RUSF1: variants seen among roughly 807,000 people sequenced by gnomAD.
The protein encoded by RUSF1 is RUS family member 1.
RUSF1 carries 58 observed loss-of-function variants against 63.0 expected under a neutral mutation model. That is an observed-to-expected ratio of 0.92 (90% CI 0.75 to 1.15). The LOEUF (loss-of-function observed/expected upper bound fraction) is 1.15. Ranked by LOEUF, RUSF1 falls within the 50% of genes most tolerant of loss-of-function variation. The pLI is 0.00. For synonymous variants in RUSF1, 274 were observed against 255.8 expected, an observed-to-expected ratio of 1.07 and a Z score of -0.68; for missense variants, 652 against 611.0, an observed-to-expected ratio of 1.07 and a Z score of -0.71.
At position 31,489,675 on chromosome 16, in the gene RUSF1, G is replaced by A; in HGVS notation, c.*1160C>T. 1 of 478,858 alleles carries A rather than the reference G, an allele frequency of 2.1e-6. No individual in the cohort carries two copies. Among genetic ancestry groups the A allele is most frequent in the South Asian group, 2.1e-5 (1 of 47,416 alleles). The allele number at this position is 478,858 out of a possible 1,614,324, so 29.7% of individuals were successfully genotyped here. A position where few individuals can be genotyped will look rare whatever the true frequency, so the allele number is the denominator to read the frequency against. On this transcript the variant is annotated 3_prime_UTR_variant, in exon 13 of 13. Coordinates refer to ENST00000327237, the MANE Select transcript of RUSF1 (RefSeq NM_022744.4). ...GTTTGGTTTTGTTGCCAAAGGGCAG[G>A]TGGCTCCAGGCAGGGCTGATGGTGG...
Position 31,489,877 on chromosome 16 carries a change from G to C in RUSF1, c.*958C>G. ...GACAGACCTGAGCTGACAAAGCTGG[G>C]GGAGCAAGGCCAACGGCTTTAAACA... is the stretch of plus-strand genomic sequence containing the variant. On this transcript the variant is annotated 3_prime_UTR_variant, in exon 13 of 13. Coordinates refer to ENST00000327237, the MANE Select transcript of RUSF1 (RefSeq NM_022744.4). 1 of 575,888 alleles carries C rather than the reference G, an allele frequency of 1.7e-6. No homozygotes were observed. The highest frequency in any genetic ancestry group is 3.3e-5 in the East Asian group (1 of 30,644). 35.7% of individuals were successfully genotyped at this position (575,888 alleles called of 1,614,324 possible). A position where few individuals can be genotyped will look rare whatever the true frequency, so the allele number is the denominator to read the frequency against.
At chr16:31,502,435 T>C (rs754118931) in intron 2 of RUSF1, among the ~76,000 whole-genome samples, 5 of 152,318 alleles carry the variant, frequency 3.3e-5, no homozygotes, top group South Asian at 2.1e-4. Context: ...ACAATGATCC[T>C]GAGACTTTGG....
intron 2 of RUSF1, among the ~76,000 whole-genome samples, chr16:31,502,097 G>C (rs1466412502): frequency 1.3e-5 from 2 of 152,184 alleles, no homozygotes; most frequent in African/African-American, 2.4e-5. Flanking sequence ...TTTAGAACGA[G>C]ACACCTGGGA....
In RUSF1 at chr16:31,508,157, G is replaced by A. The variant is rs1420202207; in HGVS notation, c.217C>T (p.Leu73Phe). 2 of 1,586,582 alleles carry A rather than the reference G, an allele frequency of 1.3e-6. No homozygotes were observed. Among genetic ancestry groups the A allele is most frequent in the Non-Finnish European group, 1.7e-6 (2 of 1,167,452 alleles). Residue 73 changes from leucine (L) to phenylalanine (F), a missense_variant, in exon 1 of 13, where the codon CTC becomes TTC. Physicochemically the swap from Leu to Phe is conservative, Grantham distance 22. Transcript: ENST00000327237. The stretch of plus-strand genomic sequence containing the variant: ...CCCTGAGGCAGGAACACGGCCTGGA[G>A]CCCGGAGAGGGGCGGTGAGGGGGCC... ...SGAPSPPLSG[L>F]QAVFLPQGFP...
intron 3 of RUSF1, 83 bp downstream of exon 3, chr16:31,500,603 C>T: frequency 2.0e-6 from 3 of 1,493,458 alleles, no homozygotes; most frequent in East Asian, 2.3e-5. Context: ...CTTACAGCCA[C>T]AATTAATGGC....
intron 5 of RUSF1, among the ~76,000 whole-genome samples, chr16:31,497,555 TG>T (rs1475031203): frequency 4.6e-5 from 7 of 151,180 alleles, no homozygotes; most frequent in African/African-American, 1.7e-4. Flanking sequence ...CAGGCGGGCC[TG>T]GAACTCCTGG....
chr16:31,501,102 C>A (rs2082630969), intron 2 of RUSF1, among the ~76,000 whole-genome samples: 1 of 152,062 alleles, frequency 6.6e-6, no homozygotes, highest in African/African-American at 2.4e-5. Flanking sequence ...TCATGAAGAC[C>A]ACATACAGCA....
chr16:31,492,395 T>G, intron 10 of RUSF1, 55 bp from the exon 11 acceptor site: 1 of 1,488,058 alleles, frequency 6.7e-7, no homozygotes, highest in Non-Finnish European at 8.9e-7. Flanking sequence ...CCCAAACCCC[T>G]TCTATCCCAT....
chr16:31,500,693 A>ACC lies in RUSF1; in HGVS notation c.452_453dup (p.Trp152GlyfsTer24), dbSNP rs780561427. On this transcript the variant is annotated frameshift_variant, in exon 3 of 13. Transcript: ENST00000327237. LOFTEE classifies it high-confidence loss of function. ...CCGGGAAGACAAACTCACCCTTTCC[A>ACC]CCAGGCAAAGACGATGCGGCCCAGC... 4 of 1,612,860 alleles carry ACC rather than the reference A, an allele frequency of 2.5e-6. No individual in the cohort carries two copies. Among genetic ancestry groups the ACC allele is most frequent in the Non-Finnish European group, 3.4e-6 (4 of 1,179,184 alleles).
rs1334552639 is a variant in RUSF1, at chr16:31,489,648, A to T, written c.*1187T>A. On this transcript the variant is annotated 3_prime_UTR_variant, in exon 13 of 13. Transcript: ENST00000327237. ...AATACCATCTTGAACGCCCACAAAA[A>T]GGTTTGGTTTTGTTGCCAAAGGGCA... 6 of 519,052 alleles carry T rather than the reference A, an allele frequency of 1.2e-5. No individual in the cohort carries two copies. The highest frequency in any genetic ancestry group is 2.1e-5 in the Non-Finnish European group (6 of 286,112). 32.2% of individuals were successfully genotyped at this position (519,052 alleles called of 1,614,324 possible).
Position 31,490,589 on chromosome 16 carries a change from G to T in RUSF1, c.*246C>A. The T allele has an allele frequency of 6.9e-7, 1 of 1,453,128 alleles. No individual in the cohort carries two copies. Among genetic ancestry groups the T allele is most frequent in the East Asian group, 2.3e-5 (1 of 42,592 alleles). 90.0% of individuals were successfully genotyped at this position (1,453,128 alleles called of 1,614,324 possible). A position where few individuals can be genotyped will look rare whatever the true frequency, so the allele number is the denominator to read the frequency against. On this transcript the variant is annotated 3_prime_UTR_variant, in exon 13 of 13. Coordinates refer to ENST00000327237, the MANE Select transcript of RUSF1 (RefSeq NM_022744.4). ...CAGCCTCACAGGAAGTGGGGGTGAG[G>T]AGCCTGCGGTGCTCCCCAGAAAAGG... is the stretch of plus-strand genomic sequence containing the variant.
intron 2 of RUSF1, among the ~76,000 whole-genome samples, chr16:31,506,538 T>C (rs953314152): frequency 3.3e-5 from 5 of 152,046 alleles, no homozygotes; most frequent in Admixed American, 6.6e-5. Flanking sequence ...TCCCAGCACT[T>C]TGGGAAGCTG....
At position 31,490,711 on chromosome 16, in the gene RUSF1, G is replaced by T; in HGVS notation, c.*124C>A. 1 of 1,214,922 alleles carries T rather than the reference G, an allele frequency of 8.2e-7. No individual in the cohort carries two copies. The highest frequency in any genetic ancestry group is 1.2e-6 in the Non-Finnish European group (1 of 834,378). 75.3% of individuals were successfully genotyped at this position (1,214,922 alleles called of 1,614,324 possible). A position where few individuals can be genotyped will look rare whatever the true frequency, so the allele number is the denominator to read the frequency against. On this transcript the variant is annotated 3_prime_UTR_variant, in exon 13 of 13. Transcript: ENST00000327237. The stretch of plus-strand genomic sequence containing the variant: ...TCTGATTGGCAGTCACTTCCCATGA[G>T]GGCCTGGCCCACCCGCTGCAGTTGC...
chr16:31,501,625 C>T (rs892764810), intron 2 of RUSF1, among the ~76,000 whole-genome samples: 2 of 151,050 alleles, frequency 1.3e-5, no homozygotes, highest in Non-Finnish European at 2.9e-5. Context: ...ATTTGAACTG[C>T]AGCTGGGGTT....
Position 31,490,207 on chromosome 16 carries a change from C to G in RUSF1, c.*628G>C, listed in dbSNP as rs1567392678. The G allele has an allele frequency of 1.2e-6, 2 of 1,614,158 alleles. No individual in the cohort carries two copies. The highest frequency in any genetic ancestry group is 2.2e-5 in the South Asian group (2 of 91,072). On this transcript the variant is annotated 3_prime_UTR_variant, in exon 13 of 13. Transcript: ENST00000327237. ...TCACTCCCTGTACAGAATGGGTGCC[C>G]AGAGAGTGCCATGGAGATGAATGGT...
chr16:31,505,280 C>T (rs147471965), intron 2 of RUSF1, among the ~76,000 whole-genome samples: 34 of 152,206 alleles, frequency 2.2e-4, no homozygotes, highest in South Asian at 2.1e-3. Flanking sequence ...TTCCTTTGCT[C>T]GCATGTTTTC....
intron 9 of RUSF1, 83 bp downstream of exon 9, chr16:31,493,384 C>A: frequency 1.3e-6 from 2 of 1,501,716 alleles, no homozygotes; most frequent in South Asian, 1.2e-5. Flanking sequence ...GAGGTGGGGC[C>A]TTGCCAGGGA....
At chr16:31,504,054 A>T (rs186527709) in intron 2 of RUSF1, among the ~76,000 whole-genome samples, 3 of 152,122 alleles carry the variant, frequency 2.0e-5, no homozygotes, top group African/African-American at 7.2e-5. Context: ...GCCTGCCACC[A>T]CGCCTGGCCA....
In RUSF1 at chr16:31,493,166, C is replaced by T. The variant is rs1193590724; in HGVS notation, c.1017-118G>A. ...GATCCAGGCTTCACTCAGGTCCCCT[C>T]GCTTCCTCTCTCCCTCAGCCATTAC... On this transcript the variant is annotated intron_variant, in intron 9 of 12. Coordinates refer to ENST00000327237, the MANE Select transcript of RUSF1 (RefSeq NM_022744.4). The T allele has an allele frequency of 1.1e-5, 12 of 1,078,024 alleles. No homozygotes were observed. The Admixed American group carries it at 1.2e-4, about 11-fold the overall frequency. The allele number at this position is 1,078,024 out of a possible 1,614,324, so 66.8% of individuals were successfully genotyped here.
Sources: allele counts gnomAD v4.1 joint callset (sites outside exome capture counted in the v4.1 genomes callset), GRCh38; gene constraint gnomAD v4.1.1; transcripts MANE v1.5; gene names NCBI Gene and HGNC (gene_info 2026-07-23, HGNC 2026-07-21).